Variants in NRXN3 observed in about 807,000 individuals in gnomAD.
NRXN3 encodes the protein neurexin III.
Under a neutral mutation model 137.6 loss-of-function variants are expected in NRXN3, and 32 were observed. The observed-to-expected ratio is 0.23, with a 90% CI of 0.18 to 0.31. NRXN3 has a LOEUF of 0.31. Ranked by LOEUF, NRXN3 falls within the 10% of genes least tolerant of loss-of-function variation. The pLI is 1.00. For synonymous variants in NRXN3, 798 were observed against 784.5 expected (o/e 1.02, Z -0.29); for missense variants, 1,574 against 2,062.5 (o/e 0.76, Z 4.59).
At chr14:78,616,910 G>A (rs1731560280) in intron 4 of NRXN3, among the ~76,000 whole-genome samples, 1 of 152,144 alleles carries the variant, frequency 6.6e-6, no homozygotes, top group Admixed American at 6.5e-5. Context: ...AATTAGCTGA[G>A]TTCTCCATGT....
chr14:79,838,573 G>A (rs946384189), intron 20 of NRXN3, among the ~76,000 whole-genome samples: 1 of 152,178 alleles, frequency 6.6e-6, no homozygotes, highest in African/African-American at 2.4e-5. Context: ...TATTACCACA[G>A]AGAAATAGTG....
intron 4 of NRXN3, among the ~76,000 whole-genome samples, chr14:78,546,236 C>CT (rs2096635559): frequency 1.3e-5 from 2 of 152,160 alleles, no homozygotes; most frequent in Non-Finnish European, 2.9e-5. Context: ...CGAATTATTG[C>CT]TTTTTTAAAT....
intron 15 of NRXN3, among the ~76,000 whole-genome samples, chr14:79,406,250 C>T (rs951066197): frequency 2.0e-5 from 3 of 150,338 alleles, no homozygotes; most frequent in African/African-American, 7.3e-5. Flanking sequence ...ATTCCCCTCC[C>T]CTCCCCTCCC....
intron 15 of NRXN3, among the ~76,000 whole-genome samples, chr14:79,091,929 C>G (rs2049275587): frequency 6.6e-6 from 1 of 152,078 alleles, no homozygotes; most frequent in African/African-American, 2.4e-5. Flanking sequence ...TCTTTGTTCA[C>G]TTGCAACTAA....
At chr14:78,224,314 G>A (rs1357488090) in intron 1 of NRXN3, among the ~76,000 whole-genome samples, 6 of 151,500 alleles carry the variant, frequency 4.0e-5, no homozygotes, top group Non-Finnish European at 7.4e-5. Context: ...TAGGGTATAT[G>A]TGCACAATGT....
intron 19 of NRXN3, among the ~76,000 whole-genome samples, chr14:79,743,609 A>T (rs530148331): frequency 6.6e-6 from 1 of 152,218 alleles, no homozygotes; most frequent in Non-Finnish European, 1.5e-5. Flanking sequence ...GGTGGTCGAC[A>T]TGCCATACTT....
At chr14:79,589,254 C>T (rs140213577) in intron 16 of NRXN3, among the ~76,000 whole-genome samples, 51 of 151,986 alleles carry the variant, frequency 3.4e-4, no homozygotes, top group African/African-American at 1.2e-3. Context: ...AACTCTGTCT[C>T]GAAACAAGCA....
At chr14:79,824,231 A>T (rs1190871919) in intron 20 of NRXN3, among the ~76,000 whole-genome samples, 2 of 152,158 alleles carry the variant, frequency 1.3e-5, no homozygotes, top group Non-Finnish European at 2.9e-5. Flanking sequence ...CCTCGATAGG[A>T]TGTCCAGAAA....
intron 8 of NRXN3, among the ~76,000 whole-genome samples, chr14:78,750,228 C>T (rs2098634565): frequency 6.6e-6 from 1 of 152,222 alleles, no homozygotes; most frequent in Admixed American, 6.5e-5. Flanking sequence ...GAGAACAGCA[C>T]CTTTGTAGCC....
chr14:78,307,773 C>T (rs140361325), intron 4 of NRXN3, among the ~76,000 whole-genome samples: 5 of 152,170 alleles, frequency 3.3e-5, no homozygotes, highest in Non-Finnish European at 7.4e-5. Context: ...AGGGCAGAAG[C>T]GATGACATGA....
intron 10 of NRXN3, among the ~76,000 whole-genome samples, chr14:78,848,842 G>T (rs980181967): frequency 3.3e-5 from 5 of 152,100 alleles, no homozygotes; most frequent in Non-Finnish European, 5.9e-5. Context: ...GCTGGGAGGA[G>T]TTGCTGGAAG....
intron 16 of NRXN3, among the ~76,000 whole-genome samples, chr14:79,488,929 C>A (rs1379324171): frequency 6.6e-6 from 1 of 152,078 alleles, no homozygotes; most frequent in Non-Finnish European, 1.5e-5. Flanking sequence ...CTAGCTCTAT[C>A]TTTTTTCCTC....
At chr14:79,531,683 C>T (rs563018818) in intron 16 of NRXN3, among the ~76,000 whole-genome samples, 100 of 152,182 alleles carry the variant, frequency 6.6e-4, no homozygotes, top group African/African-American at 2.4e-3. Flanking sequence ...ATCAATAAAA[C>T]CACTAAGGAT....
intron 4 of NRXN3, among the ~76,000 whole-genome samples, chr14:78,545,738 G>A (rs74064312): frequency 0.016 from 2,422 of 152,206 alleles, 66 homozygotes; most frequent in African/African-American, 0.055. Context: ...AAGAAATAGG[G>A]AATTACCAGT....
intron 4 of NRXN3, among the ~76,000 whole-genome samples, chr14:78,524,300 C>T (rs747341622): frequency 6.6e-6 from 1 of 152,220 alleles, no homozygotes; most frequent in East Asian, 1.9e-4. Context: ...AGTCCTTACA[C>T]TGTGGTACAG....
chr14:78,600,890 G>C (rs1053963656), intron 4 of NRXN3, among the ~76,000 whole-genome samples: 1 of 152,148 alleles, frequency 6.6e-6, no homozygotes, highest in African/African-American at 2.4e-5. Flanking sequence ...CTATCACTTG[G>C]TATTAACCTA....
chr14:78,831,555 A>AAAAC (rs2098982314), intron 10 of NRXN3, among the ~76,000 whole-genome samples: 3 of 151,154 alleles, frequency 2.0e-5, no homozygotes, highest in African/African-American at 7.3e-5. Flanking sequence ...AAAAAAAAAA[A>AAAAC]AAAAAACAAC....
At chr14:78,524,722 A>T (rs1425958377) in intron 4 of NRXN3, among the ~76,000 whole-genome samples, 2 of 152,180 alleles carry the variant, frequency 1.3e-5, no homozygotes, top group Non-Finnish European at 1.5e-5. Context: ...TTAGAAAAAG[A>T]TACCTTCAAC....
chr14:79,300,387 G>T (rs1715256720), intron 15 of NRXN3, among the ~76,000 whole-genome samples: 1 of 152,080 alleles, frequency 6.6e-6, no homozygotes, highest in Admixed American at 6.6e-5. Flanking sequence ...GATTCTGTGG[G>T]TCAGCAGTTT....
Sources: gnomAD v4.1 joint callset for allele counts (sites outside exome capture counted in the v4.1 genomes callset) on GRCh38, gnomAD v4.1.1 for gene constraint, MANE v1.5 for transcripts, NCBI Gene and HGNC (gene_info 2026-07-23, HGNC 2026-07-21) for gene names.